PEBP4: variants seen among roughly 807,000 people sequenced by gnomAD.
PEBP4 encodes phosphatidylethanolamine binding protein 4, also known as phosphatidylethanolamine-binding protein 4.
Under a neutral mutation model 23.9 loss-of-function variants are expected in PEBP4, and 22 were observed. The ratio of observed to expected loss-of-function variants is 0.92; its 90% CI spans 0.66 to 1.31. PEBP4 has a LOEUF of 1.31. Ranked by LOEUF, PEBP4 falls within the 40% of genes most tolerant of loss-of-function variation. The pLI, the probability that PEBP4 is intolerant of heterozygous loss-of-function variation, is 0.00. For synonymous variants in PEBP4, 112 were observed against 99.3 expected, an observed-to-expected ratio of 1.13 and a Z score of -0.76; for missense variants, 324 against 281.7, an observed-to-expected ratio of 1.15 and a Z score of -1.07.
chr8:22,845,573 C>T lies in PEBP4; in HGVS notation c.259-27838G>A, dbSNP rs537721472. On this transcript the variant is annotated intron_variant, in intron 3 of 6. Coordinates refer to ENST00000256404, the MANE Select transcript of PEBP4 (RefSeq NM_144962.3). The stretch of plus-strand genomic sequence containing the variant: ...ACATGGTAGAGATGTTCTAGGGAAG[C>T]TTCAGAGCCTCCTCTGATCTTGCCA... Among the ~76,000 whole-genome samples the T allele has an allele frequency of 2.0e-5, 3 of 152,264 alleles. 1 individual carries two copies. Among genetic ancestry groups the T allele is most frequent in the Admixed American group, 1.3e-4 (2 of 15,290 alleles).
At chr8:22,783,188 C>T (rs557099395) in intron 4 of PEBP4, among the ~76,000 whole-genome samples, 9 of 152,350 alleles carry the variant, frequency 5.9e-5, no homozygotes, top group African/African-American at 9.6e-5. Flanking sequence ...CCATTCCAAC[C>T]TTTTATTTTG....
chr8:22,901,650 A>G (rs1356057401), intron 3 of PEBP4, among the ~76,000 whole-genome samples: 2 of 152,156 alleles, frequency 1.3e-5, no homozygotes, highest in Non-Finnish European at 2.9e-5. Flanking sequence ...GGCCAAACCT[A>G]CTCAAAGGAT....
chr8:22,907,379 G>A (rs1808839305), intron 3 of PEBP4, among the ~76,000 whole-genome samples: 1 of 152,164 alleles, frequency 6.6e-6, no homozygotes, highest in African/African-American at 2.4e-5. Context: ...AGGTGTGGTG[G>A]TGCACACCTG....
In PEBP4 at chr8:22,934,504, G is replaced by A. The variant is rs558808802; in HGVS notation, c.145-6784C>T. ...TCACTACAAAAAAAATCAACTAAAT[G>A]TAAAGAAAGGTAGAAATGGAGGAAA... On this transcript the variant is annotated intron_variant, in intron 1 of 1. Coordinates refer to the PEBP4 transcript ENST00000522278. Among the ~76,000 whole-genome samples the A allele has an allele frequency of 1.2e-4, 19 of 152,230 alleles. No homozygotes were observed. In the South Asian group the frequency reaches 2.7e-3, roughly 22 times the overall value.
chr8:22,919,735 G>C (rs1809158395), intron 3 of PEBP4, among the ~76,000 whole-genome samples: 1 of 152,200 alleles, frequency 6.6e-6, no homozygotes, highest in Admixed American at 6.5e-5. Flanking sequence ...GGGAAGCTCT[G>C]TCTTGGTAAA....
At chr8:22,840,117 T>C (rs1427921073) in intron 3 of PEBP4, among the ~76,000 whole-genome samples, 2 of 152,202 alleles carry the variant, frequency 1.3e-5, no homozygotes, top group Non-Finnish European at 2.9e-5. Context: ...TTTTATAAAA[T>C]TCCAGAAAGG....
At chr8:22,721,378 A>G (rs143589289) in intron 6 of PEBP4, among the ~76,000 whole-genome samples, 108 of 152,182 alleles carry the variant, frequency 7.1e-4, no homozygotes, top group African/African-American at 2.4e-3. Context: ...CCACATGTAC[A>G]TTGTCCTGTG....
chr8:22,717,216 T>C (rs550395189), intron 6 of PEBP4, among the ~76,000 whole-genome samples: 1 of 152,152 alleles, frequency 6.6e-6, no homozygotes, highest in Admixed American at 6.5e-5. Flanking sequence ...AAAAAAATTA[T>C]CTGTAGAGAC....
chr8:22,744,025 G>A (rs1805056589), intron 4 of PEBP4, among the ~76,000 whole-genome samples: 1 of 152,218 alleles, frequency 6.6e-6, no homozygotes, highest in Non-Finnish European at 1.5e-5. Flanking sequence ...GTGACCTGCT[G>A]TGCAGGGAGT....
chr8:22,763,069 A>G (rs1347736972), intron 4 of PEBP4, among the ~76,000 whole-genome samples: 1 of 151,894 alleles, frequency 6.6e-6, no homozygotes, highest in Non-Finnish European at 1.5e-5. Flanking sequence ...CAGTAGCATG[A>G]TCTTGGCTCA....
intron 3 of PEBP4, among the ~76,000 whole-genome samples, chr8:22,916,063 G>A (rs1014314065): frequency 1.3e-5 from 2 of 152,180 alleles, no homozygotes; most frequent in Admixed American, 6.5e-5. Context: ...GGCACTCAGG[G>A]CCACCTGCTT....
intron 3 of PEBP4, among the ~76,000 whole-genome samples, chr8:22,900,098 A>G (rs759600873): frequency 7.2e-5 from 11 of 152,330 alleles, no homozygotes; most frequent in Middle Eastern, 3.4e-3. Context: ...GGAGACCTAC[A>G]GCACCAAGCC....
chr8:22,759,069 C>T (rs954736220), intron 4 of PEBP4, among the ~76,000 whole-genome samples: 47 of 152,152 alleles, frequency 3.1e-4, no homozygotes, highest in Non-Finnish European at 5.4e-4. Flanking sequence ...CTGTGATGGG[C>T]TCTGCTGGCC....
At chr8:22,887,522 TC>T (rs1184360654) in intron 3 of PEBP4, among the ~76,000 whole-genome samples, 6 of 145,224 alleles carry the variant, frequency 4.1e-5, no homozygotes, top group African/African-American at 1.5e-4. Context: ...TCCCAGCACT[TC>T]AGGAGGCCAA....
At chr8:22,786,240 C>A (rs1317540844) in intron 4 of PEBP4, among the ~76,000 whole-genome samples, 1 of 152,086 alleles carries the variant, frequency 6.6e-6, no homozygotes, top group Non-Finnish European at 1.5e-5. Flanking sequence ...TTGGTTGGGA[C>A]CTCTGGTAAT....
At chr8:22,773,587 G>T (rs1353800983) in intron 4 of PEBP4, among the ~76,000 whole-genome samples, 4 of 152,158 alleles carry the variant, frequency 2.6e-5, no homozygotes, top group Admixed American at 6.5e-5. Context: ...ACAGCTGCCT[G>T]CTCATACCCG....
chr8:22,913,865 C>T (rs1288520799), intron 3 of PEBP4, among the ~76,000 whole-genome samples: 1 of 151,766 alleles, frequency 6.6e-6, no homozygotes, highest in Non-Finnish European at 1.5e-5. Flanking sequence ...GGCTGAAGTG[C>T]AGTGGCACAA....
At chr8:22,833,413 C>A (rs970935232) in intron 3 of PEBP4, among the ~76,000 whole-genome samples, 4 of 152,184 alleles carry the variant, frequency 2.6e-5, no homozygotes, top group Non-Finnish European at 4.4e-5. Context: ...CTTACTGCAA[C>A]CTCCGCCTCA....
intron 2 of PEBP4, among the ~76,000 whole-genome samples, chr8:22,920,651 G>A (rs1365206260): frequency 6.6e-6 from 1 of 152,120 alleles, no homozygotes; most frequent in Non-Finnish European, 1.5e-5. Flanking sequence ...GATATCCTTA[G>A]GCAAACTTAG....
Sources: gnomAD v4.1 joint callset for allele counts (sites outside exome capture counted in the v4.1 genomes callset) on GRCh38, gnomAD v4.1.1 for gene constraint, MANE v1.5 for transcripts, NCBI Gene and HGNC (gene_info 2026-07-23, HGNC 2026-07-21) for gene names.